CFI: variants seen among roughly 807,000 people sequenced by gnomAD.
CFI encodes complement factor I.
Under a neutral mutation model 78.8 loss-of-function variants are expected in CFI, and 66 were observed. The ratio of observed to expected loss-of-function variants is 0.84; its 90% CI spans 0.69 to 1.03. CFI has a LOEUF of 1.03. Among genes scored for constraint, CFI ranks in the 50% least tolerant of loss-of-function variants. The pLI is 0.00. For synonymous variants in CFI, 250 were observed against 232.6 expected (o/e 1.07, Z -0.68); for missense variants, 706 against 704.5 (o/e 1.00, Z -0.02).
chr4:109,767,542 C>T (rs1727936069), intron 1 of CFI, among the ~76,000 whole-genome samples: 1 of 151,514 alleles, frequency 6.6e-6, no homozygotes, highest in Admixed American at 6.6e-5. Flanking sequence ...TGCTCATCAT[C>T]ACTGGCCATC....
At chr4:109,780,012 T>G (rs1729796024) in intron 1 of CFI, among the ~76,000 whole-genome samples, 2 of 152,160 alleles carry the variant, frequency 1.3e-5, no homozygotes, top group African/African-American at 4.8e-5. Context: ...GATTAAAGAT[T>G]TAAATGTTAG....
chr4:109,733,187 G>A, the CFI span, among the ~76,000 whole-genome samples: 1 of 152,130 alleles, frequency 6.6e-6, no homozygotes, highest in Non-Finnish European at 1.5e-5. Flanking sequence ...TGGCCAGGCT[G>A]GTCTCGAACT....
At chr4:109,795,435 C>T (rs955706133) in intron 1 of CFI, among the ~76,000 whole-genome samples, 1 of 152,134 alleles carries the variant, frequency 6.6e-6, no homozygotes, top group Non-Finnish European at 1.5e-5. Flanking sequence ...AACATCCAGA[C>T]ATTAATACAG....
At chr4:109,736,111 G>C (rs887021562), downstream of CFI, among the ~76,000 whole-genome samples, 8 of 152,342 alleles carry the variant, frequency 5.3e-5, no homozygotes, top group East Asian at 1.9e-4. Flanking sequence ...CAGAATGCTT[G>C]AAGTTGCTAG....
At chr4:109,800,190 A>T (rs1732585714) in intron 1 of CFI, among the ~76,000 whole-genome samples, 1 of 152,004 alleles carries the variant, frequency 6.6e-6, no homozygotes, top group Admixed American at 6.6e-5. Context: ...TTCTCTCTAA[A>T]ATGCCACCCA....
rs760331106 is a variant in CFI, at chr4:109,740,800, T to C, written c.*93A>G. ...TATCCAGTGAGATTTGCTTCATTTT[T>C]CCCCCCTAGAGAATTATTAATTATA... On this transcript the variant is annotated 3_prime_UTR_variant, in exon 13 of 13. Transcript: ENST00000394634. 4.2e-6 allele frequency: 5 copies of C among 1,187,126 alleles called. No individual in the cohort carries two copies. The highest frequency in any genetic ancestry group is 3.7e-5 in the South Asian group (3 of 80,104). 73.5% of individuals were successfully genotyped at this position (1,187,126 alleles called of 1,614,324 possible).
chr4:109,786,171 C>T (rs1730711911), intron 1 of CFI, among the ~76,000 whole-genome samples: 1 of 152,058 alleles, frequency 6.6e-6, no homozygotes, highest in Admixed American at 6.6e-5. Context: ...GCTGGGATTA[C>T]AAGTGCCTGC....
At chr4:109,798,353 G>A (rs1301675506) in intron 1 of CFI, among the ~76,000 whole-genome samples, 1 of 152,164 alleles carries the variant, frequency 6.6e-6, no homozygotes, top group Non-Finnish European at 1.5e-5. Flanking sequence ...AATAAATAAA[G>A]AGAGTGAGAG....
chr4:109,799,539 G>C lies in CFI; in HGVS notation c.57+2376C>G, dbSNP rs1291477673. Among the ~76,000 whole-genome samples, 3 of 152,160 alleles carry C rather than the reference G, an allele frequency of 2.0e-5. No individual in the cohort carries two copies. In the South Asian group the frequency reaches 6.2e-4, roughly 32 times the overall value. On this transcript the variant is annotated intron_variant, in intron 1 of 12. Coordinates refer to ENST00000394634, the MANE Select transcript of CFI (RefSeq NM_000204.5). ...CAGATTTATATACTTTCCCATGGAA[G>C]ATTAAGAAACTGAAATCTAAGATAC...
At chr4:109,782,944 A>G (rs1035589837) in intron 1 of CFI, among the ~76,000 whole-genome samples, 1 of 152,214 alleles carries the variant, frequency 6.6e-6, no homozygotes, top group African/African-American at 2.4e-5. Context: ...ACCCTTTTCA[A>G]CAAATGGTAC....
At chr4:109,775,190 C>G (rs1200040103) in intron 1 of CFI, among the ~76,000 whole-genome samples, 1 of 152,100 alleles carries the variant, frequency 6.6e-6, no homozygotes, top group Non-Finnish European at 1.5e-5. Flanking sequence ...GCCCATGGAG[C>G]AGGGTGGGGC....
rs151120539 is a variant in CFI at position 109,774,242 on chromosome 4, G to A, written c.58-7418C>T. Among the ~76,000 whole-genome samples, 197 of 152,276 alleles carry A rather than the reference G, an allele frequency of 1.3e-3. 2 individuals carry two copies. Among genetic ancestry groups the A allele is most frequent in the Non-Finnish European group, 2.4e-3 (164 of 68,010 alleles). On this transcript the variant is annotated intron_variant, in intron 1 of 12. Coordinates refer to ENST00000394634, the MANE Select transcript of CFI (RefSeq NM_000204.5). ...TCTAGTAGGCAAGACAGACAAAAAT[G>A]AATAAACAGTAAATATATAAGATGA...
chr4:109,749,934 G>A (rs368008327), intron 8 of CFI, among the ~76,000 whole-genome samples: 2 of 152,090 alleles, frequency 1.3e-5, no homozygotes, highest in Non-Finnish European at 2.9e-5. Flanking sequence ...AGCTCAGAAG[G>A]GAATCACATT....
intron 1 of CFI, among the ~76,000 whole-genome samples, chr4:109,798,842 T>C (rs1732398180): frequency 6.6e-6 from 1 of 151,822 alleles, no homozygotes; most frequent in Admixed American, 6.6e-5. Context: ...TTGACTTATA[T>C]TCAGCTAGTA....
In CFI at chr4:109,760,400, A is replaced by G; in HGVS notation, c.773-20T>C. Reference sequence around the variant, plus strand: ...GGCATGCTGTGCAAACATAAGCAGGAGAGGTTTTTTTCATTCCTTAAAGTT... The same window carrying G: ...GGCATGCTGTGCAAACATAAGCAGGGGAGGTTTTTTTCATTCCTTAAAGTT... On this transcript the variant is annotated intron_variant, in intron 5 of 12. Transcript: ENST00000394634. 6.3e-7 allele frequency: 1 copy of G among 1,598,748 alleles called. No homozygotes were observed. The highest frequency in any genetic ancestry group is 8.6e-7 in the Non-Finnish European group (1 of 1,166,132).
intron 1 of CFI, among the ~76,000 whole-genome samples, chr4:109,786,192 G>A (rs1488692531): frequency 1.3e-5 from 2 of 151,758 alleles, no homozygotes; most frequent in African/African-American, 4.8e-5. Context: ...CACCATGCCC[G>A]GCTAATTTTT....
At chr4:109,756,644 G>C (rs567944270) in intron 7 of CFI, among the ~76,000 whole-genome samples, 2 of 151,784 alleles carry the variant, frequency 1.3e-5, no homozygotes, top group East Asian at 4.0e-4. Flanking sequence ...GGTGGATCAC[G>C]AGGGCAGGAG....
intron 7 of CFI, among the ~76,000 whole-genome samples, chr4:109,753,203 TAA>T (rs1386251918): frequency 1.2e-4 from 1 of 8,210 alleles, no homozygotes; most frequent in Non-Finnish European, 3.0e-4. Context: ...TAAATATTTA[TAA>T]TATATATTTA....
intron 7 of CFI, among the ~76,000 whole-genome samples, chr4:109,756,890 A>AAAGAAAGAAAGC (rs1726248533): frequency 6.0e-5 from 1 of 16,628 alleles, no homozygotes; most frequent in Admixed American, 5.5e-4. Context: ...GAAAGAAAGG[A>AAAGAAAGAAAGC]AAGAAAGAAA....
Sources: gnomAD v4.1 joint callset for allele counts (sites outside exome capture counted in the v4.1 genomes callset) on GRCh38, gnomAD v4.1.1 for gene constraint, MANE v1.5 for transcripts, NCBI Gene and HGNC (gene_info 2026-07-23, HGNC 2026-07-21) for gene names.